The following KCNH8 variants were observed in gnomAD, a reference collection of about 807,000 sequenced individuals.
KCNH8 encodes the protein potassium voltage-gated channel subfamily H member 8.
KCNH8 carries 70 observed loss-of-function variants against 103.6 expected under a neutral mutation model. The ratio of observed to expected loss-of-function variants is 0.68; its 90% CI spans 0.56 to 0.82. The LOEUF is 0.82. KCNH8 is among the 40% of genes least tolerant of loss of function. The probability of loss-of-function intolerance (pLI) is 0.00; values close to 1 mark genes in which losing one functional copy is unlikely to be tolerated. For missense variants in KCNH8, 1,217 were observed against 1,329.9 expected, an observed-to-expected ratio of 0.92 and a Z score of 1.32; for synonymous variants, 498 against 489.4, an observed-to-expected ratio of 1.02 and a Z score of -0.23.
intron 2 of KCNH8, among the ~76,000 whole-genome samples, chr3:19,276,935 A>G (rs965236880): frequency 2.0e-5 from 3 of 152,192 alleles, no homozygotes; most frequent in South Asian, 2.1e-4. Context: ...TATTCACAAT[A>G]TCCAAGTTAT....
chr3:19,238,681 C>T (rs1247303105), intron 1 of KCNH8, among the ~76,000 whole-genome samples: 1 of 152,056 alleles, frequency 6.6e-6, no homozygotes, highest in Non-Finnish European at 1.5e-5. Flanking sequence ...ATAAAGTAGA[C>T]CGAAAAAAAT....
chr3:19,254,122 A>G (rs912946906), intron 2 of KCNH8, among the ~76,000 whole-genome samples: 3 of 152,162 alleles, frequency 2.0e-5, no homozygotes, highest in Non-Finnish European at 4.4e-5. Context: ...AATAGTTAAC[A>G]TATATTAACT....
chr3:19,503,809 A>G (rs955771030), intron 11 of KCNH8, among the ~76,000 whole-genome samples: 7 of 151,780 alleles, frequency 4.6e-5, no homozygotes, highest in Non-Finnish European at 7.4e-5. Flanking sequence ...GGATAGCATT[A>G]GGAGATATAC....
At chr3:19,490,414 G>C (rs1202431236) in intron 11 of KCNH8, among the ~76,000 whole-genome samples, 1 of 152,216 alleles carries the variant, frequency 6.6e-6, no homozygotes, top group Non-Finnish European at 1.5e-5. Flanking sequence ...GGTCGGGATT[G>C]ATTGAGCAAG....
intron 3 of KCNH8, among the ~76,000 whole-genome samples, chr3:19,301,689 T>A (rs1378201003): frequency 2.0e-5 from 3 of 152,112 alleles, no homozygotes; most frequent in African/African-American, 7.2e-5. Flanking sequence ...ACCCCACAGG[T>A]TAAGGGCTTA....
In KCNH8 at chr3:19,323,633, A is replaced by G. The variant is rs2065380891; in HGVS notation, c.443-18954A>G. ...TGGTTCCTTCTCATTTGGGTAGACT[A>G]TGTCACAGGGAAGATCTGGGACTCT... On this transcript the variant is annotated intron_variant, in intron 3 of 15. Transcript: ENST00000328405. Among the ~76,000 whole-genome samples the G allele has an allele frequency of 2.6e-5, 4 of 152,108 alleles. No individual in the cohort carries two copies. In the South Asian group the frequency reaches 8.3e-4, roughly 32 times the overall value.
intron 3 of KCNH8, among the ~76,000 whole-genome samples, chr3:19,337,720 A>G (rs2065602535): frequency 6.6e-6 from 1 of 152,038 alleles, no homozygotes. Flanking sequence ...ACTTTAGTCT[A>G]AGCCTTACCA....
At chr3:19,290,059 G>C (rs2064896069) in intron 3 of KCNH8, among the ~76,000 whole-genome samples, 2 of 152,068 alleles carry the variant, frequency 1.3e-5, no homozygotes, top group South Asian at 4.1e-4. Flanking sequence ...TCTGTTATTG[G>C]TGTATAAGAA....
intron 11 of KCNH8, among the ~76,000 whole-genome samples, chr3:19,495,831 G>A (rs2068427476): frequency 6.6e-6 from 1 of 151,996 alleles, no homozygotes; most frequent in Non-Finnish European, 1.5e-5. Flanking sequence ...CTAATCATGA[G>A]CATGGAGTGT....
chr3:19,424,061 G>A (rs113026965), intron 7 of KCNH8, among the ~76,000 whole-genome samples: 11,591 of 152,010 alleles, frequency 0.076, 921 homozygotes, highest in East Asian at 0.2. Context: ...ATTCAGTGCA[G>A]TTCCCATCAA....
At chr3:19,475,237 C>G (rs897728094) in intron 11 of KCNH8, among the ~76,000 whole-genome samples, 3 of 152,166 alleles carry the variant, frequency 2.0e-5, no homozygotes, top group Non-Finnish European at 2.9e-5. Flanking sequence ...AAAGCTTGTC[C>G]TGAAAAGAGG....
intron 1 of KCNH8, among the ~76,000 whole-genome samples, chr3:19,154,370 A>G (rs1016820363): frequency 3.3e-5 from 5 of 152,184 alleles, no homozygotes; most frequent in Admixed American, 1.3e-4. Context: ...GACCAGCCAT[A>G]AAAGATCTTT....
intron 3 of KCNH8, among the ~76,000 whole-genome samples, chr3:19,313,690 G>T (rs2065235721): frequency 6.9e-6 from 1 of 145,004 alleles, no homozygotes; most frequent in Non-Finnish European, 1.5e-5. Context: ...TACTCCCTCA[G>T]ATTCATTTGG....
intron 1 of KCNH8, among the ~76,000 whole-genome samples, chr3:19,234,863 C>A (rs1008689473): frequency 7.9e-5 from 12 of 152,250 alleles, no homozygotes; most frequent in Non-Finnish European, 1.5e-4. Flanking sequence ...TGTGAATGCA[C>A]CCTGCAATAG....
chr3:19,286,039 A>G (rs1398008742), intron 3 of KCNH8, among the ~76,000 whole-genome samples: 2 of 152,210 alleles, frequency 1.3e-5, no homozygotes, highest in African/African-American at 4.8e-5. Context: ...TGAAACAGCA[A>G]GTAGTTGACC....
intron 7 of KCNH8, among the ~76,000 whole-genome samples, chr3:19,429,936 C>A (rs534014772): frequency 2.6e-5 from 4 of 152,262 alleles, no homozygotes. Context: ...TGGTGTATAT[C>A]TACTACATTT....
At chr3:19,245,911 A>G (rs570566561) in intron 1 of KCNH8, among the ~76,000 whole-genome samples, 1 of 152,292 alleles carries the variant, frequency 6.6e-6, no homozygotes, top group Admixed American at 6.5e-5. Context: ...TTATTTTCCC[A>G]TTTGAATAAC....
intron 1 of KCNH8, among the ~76,000 whole-genome samples, chr3:19,171,538 T>A (rs902482321): frequency 1.3e-5 from 2 of 151,156 alleles, no homozygotes; most frequent in South Asian, 2.1e-4. Flanking sequence ...TCTTCAAGTC[T>A]TCAATTTTCG....
chr3:19,326,382 T>TATATAA (rs879457927), intron 3 of KCNH8, among the ~76,000 whole-genome samples: 1 of 142,550 alleles, frequency 7.0e-6, no homozygotes, highest in South Asian at 2.2e-4. Flanking sequence ...TATATATATA[T>TATATAA]AATAAATGAT....
Sources: allele counts gnomAD v4.1 joint callset (sites outside exome capture counted in the v4.1 genomes callset), GRCh38; gene constraint gnomAD v4.1.1; transcripts MANE v1.5; gene names NCBI Gene and HGNC (gene_info 2026-07-23, HGNC 2026-07-21).